The following MYOM1 variants were observed in gnomAD, a reference collection of about 807,000 sequenced individuals.
The protein encoded by MYOM1 is myomesin 1.
A neutral mutation model predicts 205.3 loss-of-function variants in MYOM1; 164 were observed. That is an observed-to-expected ratio of 0.80 (90% CI 0.70 to 0.91). The LOEUF (loss-of-function observed/expected upper bound fraction) is 0.91, where lower values mean the gene tolerates loss of function less well. Among genes scored for constraint, MYOM1 ranks in the 40% least tolerant of loss-of-function variants. MYOM1 has a pLI of 0.00. For missense variants in MYOM1, 2,011 were observed against 2,127.3 expected, an observed-to-expected ratio of 0.95 and a Z score of 1.08; for synonymous variants, 772 against 789.4, an observed-to-expected ratio of 0.98 and a Z score of 0.37.
chr18:3,147,548 A>G (rs904327043), intron 13 of MYOM1, among the ~76,000 whole-genome samples: 2 of 152,200 alleles, frequency 1.3e-5, no homozygotes, highest in African/African-American at 4.8e-5. Flanking sequence ...ACCCAACACA[A>G]GATTAGAAGA....
chr18:3,138,287 G>A (rs1419409801), intron 14 of MYOM1, among the ~76,000 whole-genome samples: 8 of 151,936 alleles, frequency 5.3e-5, no homozygotes, highest in Non-Finnish European at 8.8e-5. Context: ...TCTCGTGACA[G>A]GTTGACCAGC....
At chr18:3,197,136 CTTTT>C (rs34446814) in intron 2 of MYOM1, among the ~76,000 whole-genome samples, 4 of 132,500 alleles carry the variant, frequency 3.0e-5, no homozygotes, top group Admixed American at 1.5e-4. Flanking sequence ...CTCCAACTTC[CTTTT>C]TTTTTTTTTT....
the MYOM1 span, among the ~76,000 whole-genome samples, chr18:3,233,203 C>G: frequency 2.6e-4 from 39 of 152,172 alleles, no homozygotes; most frequent in Non-Finnish European, 1.6e-4. Context: ...ATTTTTGGAC[C>G]TAGTGGACCG....
chr18:3,189,074 T>G lies in MYOM1; in HGVS notation c.445A>C (p.Ser149Arg), dbSNP rs1166590937. The G allele has an allele frequency of 1.2e-6, 2 of 1,611,740 alleles. No homozygotes were observed. The highest frequency in any genetic ancestry group is 1.7e-6 in the Non-Finnish European group (2 of 1,178,524). ...TCTTCTTCCGTATCAGTAATTCCAC[T>G]GACATGCTTTTGACTAAAACACAAC... ...PIFSGRQKHVSGITDTEEERI... is the reference protein window; with the variant it reads ...PIFSGRQKHVRGITDTEEERI... The change falls in exon 4 of 38, where the codon AGT becomes CGT. Residue 149 changes from serine to arginine, a missense_variant. Coordinates refer to ENST00000356443, the MANE Select transcript of MYOM1 (RefSeq NM_003803.4). This position sits in a 1 kb window ranked among gnomAD's most constrained non-coding sequence, Gnocchi z 4.8.
the MYOM1 span, among the ~76,000 whole-genome samples, chr18:3,232,200 C>G: frequency 1.3e-5 from 2 of 151,734 alleles, no homozygotes; most frequent in African/African-American, 4.8e-5. Flanking sequence ...TGTTGTGGCA[C>G]ACTCCTGTAA....
chr18:3,158,672 G>A (rs781726288), intron 10 of MYOM1, among the ~76,000 whole-genome samples: 22 of 151,934 alleles, frequency 1.4e-4, no homozygotes, highest in Admixed American at 2.6e-4. Context: ...GGAGTGCAGT[G>A]AGGCAATCAT....
chr18:3,079,354 G>T lies in MYOM1; in HGVS notation c.4485-12C>A. On this transcript the variant is annotated splice_polypyrimidine_tract_variant and intron_variant, in intron 33 of 37. Coordinates refer to ENST00000356443, the MANE Select transcript of MYOM1 (RefSeq NM_003803.4). Reference sequence around the variant, plus strand: ...TAATGGCGGACCCACTGTGAAAATCGAAGAAAACTTCCTTAGCATTTGCTT... The same window carrying T: ...TAATGGCGGACCCACTGTGAAAATCTAAGAAAACTTCCTTAGCATTTGCTT... The T allele has an allele frequency of 6.3e-7, 1 of 1,599,960 alleles. No individual in the cohort carries two copies. Among genetic ancestry groups the T allele is most frequent in the East Asian group, 2.2e-5 (1 of 44,586 alleles).
In MYOM1 at chr18:3,152,344, T is replaced by C. The variant is rs1242669075; in HGVS notation, c.1644-451A>G. ...AATTGGCGTCTTAAAACCTAACTAT[T>C]TGCACTGTAGTTTGGAAAAGAGTTC... On this transcript the variant is annotated intron_variant, in intron 11 of 37. Coordinates refer to ENST00000356443, the MANE Select transcript of MYOM1 (RefSeq NM_003803.4). The surrounding 1 kb of genome is among the most constrained non-coding windows in gnomAD (Gnocchi z 4.3). 6.6e-6 allele frequency among the ~76,000 whole-genome samples: 1 copy of C among 152,314 alleles called. No homozygotes were observed. Among genetic ancestry groups the C allele is most frequent in the Non-Finnish European group, 1.5e-5 (1 of 68,030 alleles).
At chr18:3,166,419 C>T (rs576011113) in intron 9 of MYOM1, among the ~76,000 whole-genome samples, 1 of 152,036 alleles carries the variant, frequency 6.6e-6, no homozygotes, top group Admixed American at 6.6e-5. Context: ...TACAGGCATG[C>T]ACCACCACGC....
rs1353413649 is a variant in MYOM1, at chr18:3,070,735, TTTGTGTG to T, written c.4764+1092_4764+1098del. The stretch of plus-strand genomic sequence containing the variant: ...GGAAAGAAACCAGAGGTGCATGTTC[TTTGTGTG>T]TGTGTGTGTGTGTGTGTGTGTGTGT... On this transcript the variant is annotated intron_variant, in intron 37 of 37. Coordinates refer to ENST00000356443, the MANE Select transcript of MYOM1 (RefSeq NM_003803.4). 2.1e-3 allele frequency among the ~76,000 whole-genome samples: 195 copies of T among 94,514 alleles called. 2 individuals carry two copies. Among genetic ancestry groups the T allele is most frequent in the African/African-American group, 9.6e-3 (178 of 18,526 alleles). The allele number at this position is 94,514 out of a possible 152,430, so 62.0% of individuals were successfully genotyped here.
Position 3,112,416 on chromosome 18 carries a change from G to A in MYOM1, c.3304-4C>T, listed in dbSNP as rs2079541401. On this transcript the variant is annotated splice_region_variant and splice_polypyrimidine_tract_variant and intron_variant, in intron 21 of 37. Coordinates refer to ENST00000356443, the MANE Select transcript of MYOM1 (RefSeq NM_003803.4). ...CGCCCTCCTTGAGGCCTCGAACCTG[G>A]TAGAAGCAGGTGTAGAAGCAATGGG... is the stretch of plus-strand genomic sequence containing the variant. 1.3e-6 allele frequency: 2 copies of A among 1,591,452 alleles called. No individual in the cohort carries two copies. Among genetic ancestry groups the A allele is most frequent in the Non-Finnish European group, 1.7e-6 (2 of 1,165,458 alleles).
intron 36 of MYOM1, 81 bp from the exon 37 acceptor site, chr18:3,071,970 A>G: frequency 8.1e-7 from 1 of 1,238,548 alleles, no homozygotes; most frequent in Non-Finnish European, 1.2e-6. Flanking sequence ...AGGAAGCTAC[A>G]TTTCCAATTT....
At chr18:3,142,593 A>G (rs532974527) in intron 13 of MYOM1, among the ~76,000 whole-genome samples, 2 of 57,318 alleles carry the variant, frequency 3.5e-5, no homozygotes, top group South Asian at 4.8e-4. Flanking sequence ...TAGAATATAG[A>G]GCTAAGAATC....
intron 36 of MYOM1, among the ~76,000 whole-genome samples, chr18:3,075,252 T>A (rs2079008416): frequency 6.6e-6 from 1 of 152,178 alleles, no homozygotes; most frequent in Non-Finnish European, 1.5e-5. Flanking sequence ...GTGACATTCT[T>A]TACAATGTAA....
At chr18:3,081,112 C>T (rs1233229937) in intron 33 of MYOM1, among the ~76,000 whole-genome samples, 1 of 147,240 alleles carries the variant, frequency 6.8e-6, no homozygotes, top group Admixed American at 6.9e-5. Flanking sequence ...GCCTGGGTGA[C>T]AGAGTGAGAC....
At chr18:3,191,423 T>C (rs776033664) in intron 3 of MYOM1, among the ~76,000 whole-genome samples, 3 of 152,188 alleles carry the variant, frequency 2.0e-5, no homozygotes, top group Non-Finnish European at 4.4e-5. Context: ...GATTTCCTTG[T>C]CCAAAACGTT....
At chr18:3,145,081 G>A (rs941887518) in intron 13 of MYOM1, among the ~76,000 whole-genome samples, 7 of 152,306 alleles carry the variant, frequency 4.6e-5, no homozygotes, top group African/African-American at 1.7e-4. Context: ...GGCTGAGGCA[G>A]GCAGGTAACC....
chr18:3,072,284 C>T (rs2078967356), intron 36 of MYOM1, among the ~76,000 whole-genome samples: 1 of 149,214 alleles, frequency 6.7e-6, no homozygotes, highest in Admixed American at 6.7e-5. Flanking sequence ...CTCCTGACCT[C>T]GTGATCCATC....
At chr18:3,153,251 C>T (rs542034567) in intron 11 of MYOM1, among the ~76,000 whole-genome samples, 2 of 152,212 alleles carry the variant, frequency 1.3e-5, no homozygotes, top group Non-Finnish European at 2.9e-5. Flanking sequence ...AACCTACAGC[C>T]AGGCTCACAT....
Sources: gnomAD v4.1 joint callset for allele counts (sites outside exome capture counted in the v4.1 genomes callset) on GRCh38, gnomAD v4.1.1 for gene constraint, Gnocchi (gnomAD v3.1) non-coding constraint, MANE v1.5 for transcripts, NCBI Gene and HGNC (gene_info 2026-07-23, HGNC 2026-07-21) for gene names.